Variants in LAMA4 observed in about 807,000 individuals in gnomAD.
LAMA4 encodes laminin subunit alpha-4.
Under a neutral mutation model 207.1 loss-of-function variants are expected in LAMA4, and 127 were observed. The ratio of observed to expected loss-of-function variants is 0.61; its 90% CI spans 0.53 to 0.71. The LOEUF is 0.71. LAMA4 is among the 30% of genes least tolerant of loss of function. The pLI is 0.00. For synonymous variants in LAMA4, 761 were observed against 816.0 expected (o/e 0.93, Z 1.15); for missense variants, 2,093 against 2,246.5 (o/e 0.93, Z 1.38).
intron 2 of LAMA4, among the ~76,000 whole-genome samples, chr6:112,217,477 C>G (rs1784695559): frequency 6.6e-6 from 1 of 152,036 alleles, no homozygotes; most frequent in Non-Finnish European, 1.5e-5. Context: ...CCCCATTGAC[C>G]CATTGTAGTT....
intron 18 of LAMA4, among the ~76,000 whole-genome samples, chr6:112,147,875 G>A (rs1035351852): frequency 1.3e-5 from 2 of 152,026 alleles, no homozygotes; most frequent in Non-Finnish European, 2.9e-5. Flanking sequence ...TAAGTCTTAC[G>A]TTGATACAAT....
At chr6:112,176,656 C>A (rs782629302) in intron 10 of LAMA4, among the ~76,000 whole-genome samples, 1 of 152,206 alleles carries the variant, frequency 6.6e-6, no homozygotes, top group African/African-American at 2.4e-5. Flanking sequence ...TTTTCCTCAG[C>A]TCTAGCACTT....
chr6:112,178,011 A>T, intron 10 of LAMA4, 110 bp downstream of exon 10: 1 of 816,376 alleles, frequency 1.2e-6, no homozygotes, highest in East Asian at 2.5e-5. Context: ...TACTGTACCA[A>T]CAAGTTCCTG....
At chr6:112,115,343 T>G (rs1777954452) in intron 36 of LAMA4, among the ~76,000 whole-genome samples, 1 of 152,148 alleles carries the variant, frequency 6.6e-6, no homozygotes, top group Non-Finnish European at 1.5e-5. Context: ...TCAATGAAAA[T>G]ATACTTTTTT....
chr6:112,143,434 GC>G (rs2114714518), intron 19 of LAMA4, among the ~76,000 whole-genome samples: 2 of 152,070 alleles, frequency 1.3e-5, no homozygotes, highest in South Asian at 4.2e-4. Context: ...ACAGGTGTGC[GC>G]CACCACGCCC....
chr6:112,123,003 T>C (rs1456153841), intron 31 of LAMA4, among the ~76,000 whole-genome samples: 1 of 152,196 alleles, frequency 6.6e-6, no homozygotes, highest in Non-Finnish European at 1.5e-5. Flanking sequence ...ATTCCTGTTT[T>C]TTAAGGAACT....
At position 112,122,419 on chromosome 6, in the gene LAMA4, A is replaced by C. The variant is rs587615565; in HGVS notation, c.4288-218T>G. Among the ~76,000 whole-genome samples, 352 of 152,286 alleles carry C rather than the reference A, an allele frequency of 2.3e-3. 2 individuals carry two copies. The highest frequency in any genetic ancestry group is 5.4e-3 in the South Asian group (26 of 4,816). On this transcript the variant is annotated intron_variant, in intron 31 of 38. Transcript: ENST00000230538. ...CATCAACAACATAGCATGTTAACTA[A>C]CCCCAAATTCTTCCGCATGGTAGTA...
chr6:112,141,757 GT>G (rs1779711004), intron 20 of LAMA4, among the ~76,000 whole-genome samples: 1 of 152,140 alleles, frequency 6.6e-6, no homozygotes, highest in Non-Finnish European at 1.5e-5. Context: ...GGCTAATTTT[GT>G]GAGGCTAACC....
intron 2 of LAMA4, among the ~76,000 whole-genome samples, chr6:112,243,185 T>A (rs1275890662): frequency 6.6e-6 from 1 of 152,168 alleles, no homozygotes; most frequent in African/African-American, 2.4e-5. Flanking sequence ...CATTGTTGTG[T>A]CACCTTGGAG....
At chr6:112,253,694 G>A (rs1047812489) in intron 2 of LAMA4, 18 of 1,552,742 alleles carry the variant, frequency 1.2e-5, no homozygotes, top group Middle Eastern at 1.7e-4. Context: ...AGAGTCTAGC[G>A]GATGAACTCA....
At chr6:112,244,104 C>G (rs1554188216) in intron 2 of LAMA4, among the ~76,000 whole-genome samples, 3 of 152,080 alleles carry the variant, frequency 2.0e-5, no homozygotes, top group Non-Finnish European at 4.4e-5. Flanking sequence ...TCCATTAAAA[C>G]AATTGAAAAG....
intron 2 of LAMA4, among the ~76,000 whole-genome samples, chr6:112,237,574 A>G (rs1489334638): frequency 6.6e-5 from 10 of 152,110 alleles, no homozygotes; most frequent in Admixed American, 6.5e-4. Context: ...GAGGACTTGA[A>G]CCCTCAGGCA....
chr6:112,150,258 C>T (rs1554335455), intron 17 of LAMA4, among the ~76,000 whole-genome samples: 1 of 151,706 alleles, frequency 6.6e-6, no homozygotes, highest in Non-Finnish European at 1.5e-5. Flanking sequence ...CACACACACA[C>T]AGAGGCAATG....
chr6:112,187,424 G>A, intron 8 of LAMA4, 26 bp downstream of exon 8: 1 of 1,613,646 alleles, frequency 6.2e-7, no homozygotes, highest in East Asian at 2.2e-5. Context: ...TGAAAACAGA[G>A]TGGAAAGTAG....
At chr6:112,174,239 C>T (rs560397279) in intron 11 of LAMA4, among the ~76,000 whole-genome samples, 164 of 152,276 alleles carry the variant, frequency 1.1e-3, no homozygotes, top group African/African-American at 3.8e-3. Context: ...CTTAAGAGAC[C>T]GTGTGCTTTT....
At chr6:112,213,993 G>A (rs1784489060) in intron 3 of LAMA4, 1 of 755,200 alleles carries the variant, frequency 1.3e-6, no homozygotes, top group East Asian at 2.5e-5. Context: ...TTGGAGCCCT[G>A]GCTTCTCTGG....
chr6:112,156,377 G>C (rs1780713439), intron 14 of LAMA4, among the ~76,000 whole-genome samples: 1 of 152,108 alleles, frequency 6.6e-6, no homozygotes, highest in African/African-American at 2.4e-5. Flanking sequence ...GATATAACAG[G>C]AATAAAATAT....
chr6:112,192,020 T>C (rs1554349252), intron 5 of LAMA4, among the ~76,000 whole-genome samples, 170 bp from the exon 6 acceptor site: 1 of 152,244 alleles, frequency 6.6e-6, no homozygotes, highest in African/African-American at 2.4e-5. Context: ...TTTAAGGAAC[T>C]ACCCCTCCCC....
intron 2 of LAMA4, among the ~76,000 whole-genome samples, chr6:112,224,523 A>G (rs1785096213): frequency 6.6e-6 from 1 of 152,168 alleles, no homozygotes; most frequent in South Asian, 2.1e-4. Flanking sequence ...CCAGTACTTA[A>G]CATTGTTGAT....
Sources: allele counts gnomAD v4.1 joint callset (sites outside exome capture counted in the v4.1 genomes callset), GRCh38; gene constraint gnomAD v4.1.1; transcripts MANE v1.5; gene names NCBI Gene and HGNC (gene_info 2026-07-23, HGNC 2026-07-21).